TMEM232: variants seen among roughly 807,000 people sequenced by gnomAD.
TMEM232 encodes transmembrane protein 232.
Under a neutral mutation model 78.8 loss-of-function variants are expected in TMEM232, and 80 were observed. The ratio of observed to expected loss-of-function variants is 1.01; its 90% CI spans 0.85 to 1.22. The LOEUF (loss-of-function observed/expected upper bound fraction) is 1.22. Among genes scored for constraint, TMEM232 ranks in the 50% most tolerant of loss-of-function variants. The probability of loss-of-function intolerance (pLI) is 0.00; values close to 1 mark genes in which losing one functional copy is unlikely to be tolerated. For missense variants in TMEM232, 881 were observed against 742.2 expected, an observed-to-expected ratio of 1.19 and a Z score of -2.17; for synonymous variants, 297 against 254.3, an observed-to-expected ratio of 1.17 and a Z score of -1.60.
chr5:110,397,383 A>G (rs1307207639), intron 3 of TMEM232, among the ~76,000 whole-genome samples: 4 of 152,190 alleles, frequency 2.6e-5, no homozygotes, highest in Non-Finnish European at 4.4e-5. Context: ...GAAACTGTAT[A>G]AGAAATATCA....
intron 10 of TMEM232, among the ~76,000 whole-genome samples, chr5:110,598,524 G>A (rs202148067): frequency 2.3e-4 from 35 of 151,986 alleles, no homozygotes; most frequent in Non-Finnish European, 3.4e-4. Flanking sequence ...TATACCCAAA[G>A]GACTATAAAT....
At chr5:110,738,380 T>C (rs1799439196), upstream of TMEM232, 2 of 542,686 alleles carry the variant, frequency 3.7e-6, no homozygotes, top group South Asian at 7.0e-5. Context: ...AAAACTATAG[T>C]TTCTTTACAG....
intron 1 of TMEM232, among the ~76,000 whole-genome samples, chr5:110,693,741 G>T (rs565821736): frequency 1.3e-5 from 2 of 152,154 alleles, no homozygotes; most frequent in South Asian, 2.1e-4. Flanking sequence ...AAGCAAGAAG[G>T]GAAGTTTAGA....
intron 12 of TMEM232, among the ~76,000 whole-genome samples, chr5:110,478,982 G>T (rs569210197): frequency 6.7e-6 from 1 of 149,448 alleles, no homozygotes; most frequent in East Asian, 2.0e-4. Flanking sequence ...TCCTTGATTG[G>T]GACTTAAAGT....
intron 2 of TMEM232, among the ~76,000 whole-genome samples, chr5:110,398,081 T>C (rs1487827747): frequency 2.0e-5 from 3 of 152,116 alleles, no homozygotes; most frequent in Admixed American, 2.0e-4. Context: ...AGTTTTCAAA[T>C]TACCCTATTA....
rs902877541 is a variant in TMEM232 at position 110,626,827 on chromosome 5, T to C, written c.601+954A>G. On this transcript the variant is annotated intron_variant, in intron 6 of 13. Transcript: ENST00000455884. ...ACTATTTAATACTTCTATGACAATG[T>C]TGATCTTGAATTTCTCTCCTTAAAC... Among the ~76,000 whole-genome samples the C allele has an allele frequency of 3.3e-5, 5 of 152,094 alleles. No individual in the cohort carries two copies. The East Asian group carries it at 5.8e-4, about 18-fold the overall frequency.
At chr5:110,718,794 TTCTTC>T (rs1434148898) in intron 1 of TMEM232, among the ~76,000 whole-genome samples, 1 of 152,080 alleles carries the variant, frequency 6.6e-6, no homozygotes, top group Non-Finnish European at 1.5e-5. Flanking sequence ...TTCATTTTGT[TTCTTC>T]TCTTTTCTTT....
At chr5:110,414,327 C>T (rs1756108308) in intron 2 of TMEM232, among the ~76,000 whole-genome samples, 1 of 151,802 alleles carries the variant, frequency 6.6e-6, no homozygotes, top group African/African-American at 2.4e-5. Flanking sequence ...TTGATATATC[C>T]CCAGTGACTA....
intron 12 of TMEM232, among the ~76,000 whole-genome samples, chr5:110,461,343 C>G (rs1761507472): frequency 6.6e-6 from 1 of 152,054 alleles, no homozygotes; most frequent in African/African-American, 2.4e-5. Flanking sequence ...TAATCCAGAG[C>G]AAGGCCCTGA....
rs566127821 is a variant in TMEM232 at position 110,708,622 on chromosome 5, T to C, written c.-13+18005A>G. On this transcript the variant is annotated intron_variant, in intron 1 of 13. Coordinates refer to ENST00000455884, the MANE Select transcript of TMEM232 (RefSeq NM_001039763.4). ...TTTTTATTAGTTTTCTTTTTGTATG[T>C]TTATTTCATTATGCAATCAGCACTG... 3.3e-5 allele frequency among the ~76,000 whole-genome samples: 5 copies of C among 152,238 alleles called. No homozygotes were observed. In the South Asian group the frequency reaches 1.0e-3, roughly 32 times the overall value.
At position 110,640,931 on chromosome 5, in the gene TMEM232, T is replaced by C; in HGVS notation, c.303A>G (p.Glu101=). The C allele has an allele frequency of 6.5e-7, 1 of 1,541,870 alleles. No individual in the cohort carries two copies. The highest frequency in any genetic ancestry group is 2.5e-5 in the East Asian group (1 of 40,420). ...RHVHLPAAWT[E]VIYLAQCKGE... ...CTTTGCATTGAGCCAGATATATTAC[T>C]TCAGTCCATGCAGCAGGAAGATGCA... Residue 101 remains glutamate (E), a synonymous_variant, in exon 4 of 14, where the codon GAA becomes GAG. Transcript: ENST00000455884.
At chr5:110,481,263 A>G (rs1158135703) in intron 12 of TMEM232, among the ~76,000 whole-genome samples, 4 of 152,154 alleles carry the variant, frequency 2.6e-5, no homozygotes, top group African/African-American at 9.7e-5. Context: ...ATAGGTGCTA[A>G]AATGACTTTT....
rs377540920 is a variant in TMEM232 at position 110,735,466 on chromosome 5, G to A, written c.-125-451C>T. On this transcript the variant is annotated intron_variant, in intron 1 of 4. Coordinates refer to the TMEM232 transcript ENST00000512886. ...AACTATATTATTCTGTTAATATTTG[G>A]GCTAAAAATTTCCTTATTATTAGTT... is the stretch of plus-strand genomic sequence containing the variant. Among the ~76,000 whole-genome samples, 7 of 151,906 alleles carry A rather than the reference G, an allele frequency of 4.6e-5. No homozygotes were observed. In the East Asian group the frequency reaches 5.8e-4, roughly 13 times the overall value.
chr5:110,441,443 C>T (rs1759032391), intron 12 of TMEM232, among the ~76,000 whole-genome samples: 1 of 152,070 alleles, frequency 6.6e-6, no homozygotes, highest in South Asian at 2.1e-4. Flanking sequence ...CTAGTTCTTC[C>T]ATGTTCACAG....
At chr5:110,639,585 A>T (rs1308381188) in intron 4 of TMEM232, among the ~76,000 whole-genome samples, 1 of 152,170 alleles carries the variant, frequency 6.6e-6, no homozygotes, top group African/African-American at 2.4e-5. Context: ...GGAACAAGGA[A>T]GAGTATAGGC....
intron 12 of TMEM232, among the ~76,000 whole-genome samples, chr5:110,427,879 T>C (rs1461508919): frequency 1.3e-5 from 2 of 151,868 alleles, no homozygotes; most frequent in Admixed American, 6.6e-5. Context: ...AGTAGGTGTA[T>C]ATATTTAAGG....
chr5:110,524,063 G>A (rs187211516), intron 12 of TMEM232, among the ~76,000 whole-genome samples: 263 of 150,650 alleles, frequency 1.7e-3, no homozygotes, highest in African/African-American at 5.8e-3. Flanking sequence ...AGGAGTTCGC[G>A]ACCAGCCTGA....
chr5:110,424,470 G>C (rs150479291), intron 13 of TMEM232, among the ~76,000 whole-genome samples: 1 of 152,062 alleles, frequency 6.6e-6, no homozygotes, highest in Non-Finnish European at 1.5e-5. Context: ...GGTAAAGAAC[G>C]GTCACTGAAA....
In TMEM232 at chr5:110,420,754, C is replaced by A. The variant is rs747479019; in HGVS notation, c.1800G>T (p.Trp600Cys). ...TTTCTCGGATCTTTAGCTCTTCCTGCCACTGTTACAGAGAGAAAACGTCAT... is the reference window on the plus strand; with the variant it reads ...TTTCTCGGATCTTTAGCTCTTCCTGACACTGTTACAGAGAGAAAACGTCAT... ...KELAKIIDHH[W>C]QEELKIREKE... Residue 600 changes from tryptophan to cysteine, a missense_variant and splice_region_variant, in exon 14 of 14, where the codon TGG (tryptophan) becomes TGT (cysteine). Transcript: ENST00000455884. The A allele has an allele frequency of 2.6e-6, 4 of 1,519,664 alleles. No homozygotes were observed. Among genetic ancestry groups the A allele is most frequent in the Non-Finnish European group, 3.5e-6 (4 of 1,141,754 alleles). 94.1% of individuals were successfully genotyped at this position (1,519,664 alleles called of 1,614,324 possible).
Sources: gnomAD v4.1 joint callset for allele counts (sites outside exome capture counted in the v4.1 genomes callset) on GRCh38, gnomAD v4.1.1 for gene constraint, MANE v1.5 for transcripts, NCBI Gene and HGNC (gene_info 2026-07-23, HGNC 2026-07-21) for gene names.